Variants in C17orf107 observed in about 807,000 individuals in gnomAD.
C17orf107 encodes the protein uncharacterized protein C17orf107.
In C17orf107, 9 loss-of-function variants were observed where a neutral mutation model predicts 8.9. That is an observed-to-expected ratio of 1.02 (90% CI 0.61 to 1.77). The LOEUF (loss-of-function observed/expected upper bound fraction) is 1.77, where lower values mean the gene tolerates loss of function less well. Among genes scored for constraint, C17orf107 ranks in the 40% most tolerant of loss-of-function variants. The pLI is 0.00. For synonymous variants in C17orf107, 139 were observed against 120.3 expected (o/e 1.16, Z -1.02); for missense variants, 281 against 249.0 (o/e 1.13, Z -0.86).
rs753134441 is a variant in C17orf107, at chr17:4,902,768, G to T, written c.*2235G>T. The T allele has an allele frequency of 6.2e-7, 1 of 1,614,018 alleles. No homozygotes were observed. Among genetic ancestry groups the T allele is most frequent in the Non-Finnish European group, 8.5e-7 (1 of 1,180,018 alleles). On this transcript the variant is annotated 3_prime_UTR_variant, in exon 3 of 3. Transcript: ENST00000381365. This position sits in a 1 kb window ranked among gnomAD's most constrained non-coding sequence, Gnocchi z 4.0. ...CGTTCTTCCCCACACCCCTGCCTGC[G>T]ATGGGGTCAAGAAGGAAGGGTCATT...
chr17:4,902,169 C>A lies in C17orf107; in HGVS notation c.*1636C>A, dbSNP rs928929092. The stretch of plus-strand genomic sequence containing the variant: ...CCCTTCCCCAACCAAGTCCAGCCCG[C>A]ACCCCAGGCCGGCTTCCCTCCAGCC... On this transcript the variant is annotated 3_prime_UTR_variant, in exon 3 of 3. Coordinates refer to ENST00000381365, the MANE Select transcript of C17orf107 (RefSeq NM_001145536.2). The surrounding 1 kb of genome is among the most constrained non-coding windows in gnomAD (Gnocchi z 4.0). 6.2e-7 allele frequency: 1 copy of A among 1,613,710 alleles called. No individual in the cohort carries two copies. Among genetic ancestry groups the A allele is most frequent in the African/African-American group, 1.3e-5 (1 of 74,934 alleles).
At chr17:4,905,190 T>G (rs539057727), downstream of C17orf107, among the ~76,000 whole-genome samples, 9 of 152,274 alleles carry the variant, frequency 5.9e-5, no homozygotes, top group African/African-American at 1.9e-4. Context: ...TGCCAGACTA[T>G]GAGAAGCATA....
downstream of C17orf107, among the ~76,000 whole-genome samples, chr17:4,903,282 C>T (rs889846617): frequency 6.6e-6 from 1 of 152,162 alleles, no homozygotes; most frequent in Non-Finnish European, 1.5e-5. Flanking sequence ...CCCAGCCCAG[C>T]GTCCTTTGCC....
chr17:4,900,433 G>C lies in C17orf107; in HGVS notation c.473G>C (p.Arg158Pro), dbSNP rs764025374. 1.9e-6 allele frequency: 3 copies of C among 1,550,762 alleles called. No individual in the cohort carries two copies. The highest frequency in any genetic ancestry group is 2.7e-5 in the African/African-American group (2 of 73,052). The change falls in exon 3 of 3, where the codon CGG becomes CCG. Residue 158 changes from arginine (R) to proline (P), a missense_variant. By Grantham distance (103) the Arg-to-Pro change is moderately radical. Coordinates refer to ENST00000381365, the MANE Select transcript of C17orf107 (RefSeq NM_001145536.2). ...VQGAWLCLCG[R>P]GLQGSASFLR... ...GGAGCATGGCTATGCCTGTGTGGAC[G>C]GGGTCTGCAGGGGTCTGCCTCATTC...
chr17:4,901,073 G>A lies in C17orf107; in HGVS notation c.*540G>A, dbSNP rs1480351481. On this transcript the variant is annotated 3_prime_UTR_variant, in exon 3 of 3. Transcript: ENST00000381365. ...GATGATGTTAATGACGTAGAAGAGC[G>A]GCTTCCGGCGGATGATGAGCGAGTA... The A allele has an allele frequency of 2.5e-6, 4 of 1,613,916 alleles. No individual in the cohort carries two copies. The highest frequency in any genetic ancestry group is 3.4e-6 in the Non-Finnish European group (4 of 1,179,948).
Position 4,902,539 on chromosome 17 carries a change from A to G in C17orf107, c.*2006A>G. 1.2e-6 allele frequency: 2 copies of G among 1,614,202 alleles called. No homozygotes were observed. The highest frequency in any genetic ancestry group is 2.2e-5 in the South Asian group (2 of 91,086). Reference sequence around the variant, plus strand: ...ATGATTGAAGTGAGATTTCAGGGCCAGAAGTGAGCTTTAGGACAGAGCTCA... The same window carrying G: ...ATGATTGAAGTGAGATTTCAGGGCCGGAAGTGAGCTTTAGGACAGAGCTCA... On this transcript the variant is annotated 3_prime_UTR_variant, in exon 3 of 3. Coordinates refer to ENST00000381365, the MANE Select transcript of C17orf107 (RefSeq NM_001145536.2). The surrounding 1 kb of genome is among the most constrained non-coding windows in gnomAD (Gnocchi z 4.0).
rs765028313 is a variant in C17orf107, at chr17:4,901,642, G to A, written c.*1109G>A. ...GTCTGAGAGCTGCGGAGCCAGGGCCGGGAGCCCACCCCAGAAGCTCTGACC... is the reference window on the plus strand; with the variant it reads ...GTCTGAGAGCTGCGGAGCCAGGGCCAGGAGCCCACCCCAGAAGCTCTGACC... On this transcript the variant is annotated 3_prime_UTR_variant, in exon 3 of 3. Transcript: ENST00000381365. 3.7e-6 allele frequency: 6 copies of A among 1,610,454 alleles called. No homozygotes were observed. The Admixed American group carries it at 5.0e-5, about 13-fold the overall frequency.
In C17orf107 at chr17:4,900,058, G is replaced by A. The variant is rs1174757023; in HGVS notation, c.189G>A (p.Gly63=). The A allele has an allele frequency of 2.6e-6, 4 of 1,551,212 alleles. No homozygotes were observed. The East Asian group carries it at 9.8e-5, about 38-fold the overall frequency. ...AGCCACCCGAACCGAAGATGCAGGG[G>A]ATGCTGCCTGCCCCGAAGCCCACCC... The part of the protein sequence containing the change: ...SLEPPEPKMQ[G]MLPAPKPTLG... Residue 63 remains glycine (G), a synonymous_variant, in exon 2 of 3, where the codon GGG becomes GGA. Transcript: ENST00000381365.
rs746772722 is a variant in C17orf107 at position 4,900,994 on chromosome 17, C to G, written c.*461C>G. On this transcript the variant is annotated 3_prime_UTR_variant, in exon 3 of 3. Coordinates refer to ENST00000381365, the MANE Select transcript of C17orf107 (RefSeq NM_001145536.2). Reference sequence around the variant, plus strand: ...AGGTTCGGGGCCACTGCTTACCCTGCGCCGGCAGGAAGTAGGCGAGCAGCA... The same window carrying G: ...AGGTTCGGGGCCACTGCTTACCCTGGGCCGGCAGGAAGTAGGCGAGCAGCA... 1 of 1,613,938 alleles carries G rather than the reference C, an allele frequency of 6.2e-7. No individual in the cohort carries two copies. The highest frequency in any genetic ancestry group is 1.1e-5 in the South Asian group (1 of 91,086).
At position 4,901,579 on chromosome 17, in the gene C17orf107, C is replaced by A; in HGVS notation, c.*1046C>A. On this transcript the variant is annotated 3_prime_UTR_variant, in exon 3 of 3. Coordinates refer to ENST00000381365, the MANE Select transcript of C17orf107 (RefSeq NM_001145536.2). ...TTGTTGATGGTCTTGCCGTCGTTGT[C>A]TACGGCAAAAGTGAACTCCACCTCT... The A allele has an allele frequency of 6.2e-7, 1 of 1,614,166 alleles. No homozygotes were observed. Among genetic ancestry groups the A allele is most frequent in the South Asian group, 1.1e-5 (1 of 91,086 alleles).
At position 4,899,705 on chromosome 17, in the gene C17orf107, C is replaced by T; in HGVS notation, c.-58C>T. On this transcript the variant is annotated 5_prime_UTR_variant, in exon 1 of 3. Transcript: ENST00000381365. ...TGGTTACGCCCTCCAGCTGCGCCCC[C>T]TACACGACGACAGACGCGTCCCCCA... 5 of 1,505,068 alleles carry T rather than the reference C, an allele frequency of 3.3e-6. No homozygotes were observed. In the South Asian group the frequency reaches 4.8e-5, roughly 14 times the overall value. The allele number at this position is 1,505,068 out of a possible 1,614,324, so 93.2% of individuals were successfully genotyped here. A position where few individuals can be genotyped will look rare whatever the true frequency, so the allele number is the denominator to read the frequency against.
intron 1 of C17orf107, 43 bp downstream of exon 1, chr17:4,899,871 G>T (rs1345551987): frequency 2.6e-6 from 4 of 1,544,734 alleles, no homozygotes; most frequent in Non-Finnish European, 3.5e-6. Flanking sequence ...AGACCTTCTG[G>T]GTAGGTCTCC....
Position 4,901,356 on chromosome 17 carries a change from G to C in C17orf107, c.*823G>C. On this transcript the variant is annotated 3_prime_UTR_variant, in exon 3 of 3. Coordinates refer to ENST00000381365, the MANE Select transcript of C17orf107 (RefSeq NM_001145536.2). Reference sequence around the variant, plus strand: ...TTCTCGTTGAGGGTATGGAAAGCCAGAAGGCAGGACTAGAGTAACAATCGA... The same window carrying C: ...TTCTCGTTGAGGGTATGGAAAGCCACAAGGCAGGACTAGAGTAACAATCGA... 2.1e-6 allele frequency: 2 copies of C among 953,786 alleles called. No homozygotes were observed. The highest frequency in any genetic ancestry group is 1.4e-5 in the South Asian group (1 of 73,670). 59.1% of individuals were successfully genotyped at this position (953,786 alleles called of 1,614,324 possible). A position where few individuals can be genotyped will look rare whatever the true frequency, so the allele number is the denominator to read the frequency against.
At position 4,902,811 on chromosome 17, in the gene C17orf107, A is replaced by G; in HGVS notation, c.*2278A>G. 1 of 1,613,542 alleles carries G rather than the reference A, an allele frequency of 6.2e-7. No individual in the cohort carries two copies. Among genetic ancestry groups the G allele is most frequent in the Non-Finnish European group, 8.5e-7 (1 of 1,179,800 alleles). ...GGGTCATTGGCAATGAAGAGGCTGG[A>G]GCACCTCTCTCCCCTCTGCCTCCCC... On this transcript the variant is annotated 3_prime_UTR_variant, in exon 3 of 3. Coordinates refer to ENST00000381365, the MANE Select transcript of C17orf107 (RefSeq NM_001145536.2). This position sits in a 1 kb window ranked among gnomAD's most constrained non-coding sequence, Gnocchi z 4.0.
Position 4,901,240 on chromosome 17 carries a change from G to T in C17orf107, c.*707G>T. The T allele has an allele frequency of 6.3e-7, 1 of 1,581,288 alleles. No homozygotes were observed. On this transcript the variant is annotated 3_prime_UTR_variant, in exon 3 of 3. Transcript: ENST00000381365. The stretch of plus-strand genomic sequence containing the variant: ...TGGCTGTCAGAGCGGGGCGCCCGCC[G>T]AGCTGACAGCGGGCTGAAGAGGAGG...
At position 4,900,469 on chromosome 17, in the gene C17orf107, C is replaced by T. The variant is rs1186314661; in HGVS notation, c.509C>T (p.Ser170Leu). 5 of 1,551,004 alleles carry T rather than the reference C, an allele frequency of 3.2e-6. No homozygotes were observed. Among genetic ancestry groups the T allele is most frequent in the Non-Finnish European group, 4.4e-6 (5 of 1,146,994 alleles). The change falls in exon 3 of 3, where the codon TCG (serine) becomes TTG (leucine). Residue 170 changes from serine (S) to leucine (L), a missense_variant. By Grantham distance (145) the Ser-to-Leu change is moderately radical. Transcript: ENST00000381365. Reference sequence around the variant, plus strand: ...GGGTCTGCCTCATTCCTGCGACAGTCGCAACAGCAGCTAGGCCTCGGAATC... The same window carrying T: ...GGGTCTGCCTCATTCCTGCGACAGTTGCAACAGCAGCTAGGCCTCGGAATC... ...LQGSASFLRQ[S>L]QQQLGLGIPG... is the part of the protein sequence containing the mutation.
Position 4,901,893 on chromosome 17 carries a change from C to CT in C17orf107, c.*1360_*1361insT. 1 of 1,607,596 alleles carries CT rather than the reference C, an allele frequency of 6.2e-7. No individual in the cohort carries two copies. Among genetic ancestry groups the CT allele is most frequent in the Non-Finnish European group, 8.5e-7 (1 of 1,176,570 alleles). On this transcript the variant is annotated 3_prime_UTR_variant, in exon 3 of 3. Transcript: ENST00000381365. ...GGCCCCGCCCCATAAGGCCCCCCCC[C>CT]AACAATAATCGTCCGGGCCTCGGAG...
At chr17:4,904,639 G>C (rs1372151977), downstream of C17orf107, among the ~76,000 whole-genome samples, 1 of 152,176 alleles carries the variant, frequency 6.6e-6, no homozygotes. Context: ...TCGGGATCCA[G>C]GGTCACACAA....
chr17:4,901,718 C>T lies in C17orf107; in HGVS notation c.*1185C>T, dbSNP rs1969991765. Reference sequence around the variant, plus strand: ...TGGAAGCTGGGATCTAGCGGGGCCGCGATCCCAAGCCCACCCCTTCACCCA... The same window carrying T: ...TGGAAGCTGGGATCTAGCGGGGCCGTGATCCCAAGCCCACCCCTTCACCCA... On this transcript the variant is annotated 3_prime_UTR_variant, in exon 3 of 3. Transcript: ENST00000381365. 2.2e-6 allele frequency: 3 copies of T among 1,340,690 alleles called. No individual in the cohort carries two copies. The highest frequency in any genetic ancestry group is 1.8e-5 in the Admixed American group (1 of 55,514). The allele number at this position is 1,340,690 out of a possible 1,614,324, so 83.0% of individuals were successfully genotyped here.
Sources: allele counts gnomAD v4.1 joint callset (sites outside exome capture counted in the v4.1 genomes callset), GRCh38; gene constraint gnomAD v4.1.1; non-coding constraint Gnocchi (gnomAD v3.1); transcripts MANE v1.5; gene names NCBI Gene and HGNC (gene_info 2026-07-23, HGNC 2026-07-21).